HSP90B1: variants seen among roughly 807,000 people sequenced by gnomAD.
The protein encoded by HSP90B1 is endoplasmin.
Under a neutral mutation model 100.4 loss-of-function variants are expected in HSP90B1, and 27 were observed. The observed-to-expected ratio is 0.27, with a 90% CI of 0.20 to 0.37. The LOEUF is 0.37. HSP90B1 is among the 10% of genes least tolerant of loss of function. The probability of loss-of-function intolerance (pLI) is 1.00; values close to 1 mark genes in which losing one functional copy is unlikely to be tolerated. For missense variants in HSP90B1, 678 were observed against 960.5 expected (o/e 0.71, Z 3.89); for synonymous variants, 304 against 330.8 (o/e 0.92, Z 0.88).
At chr12:103,942,403 T>C in intron 11 of HSP90B1, 124 bp from the exon 12 acceptor site, 1 of 843,216 alleles carries the variant, frequency 1.2e-6, no homozygotes. Context: ...CACCATTTCC[T>C]GCCCCTCAAT....
chr12:103,946,640 A>T lies in HSP90B1; in HGVS notation c.2050A>T (p.Thr684Ser). The T allele has an allele frequency of 6.2e-7, 1 of 1,613,898 alleles. No homozygotes were observed. The change falls in exon 15 of 18, where the codon ACA becomes TCA. Residue 684 changes from threonine (T) to serine (S), a missense_variant. Around this residue, in one of 8 missense-constraint regions of HSP90B1, gnomAD observed 64 missense variants for 66.4 expected, o/e 0.96. Coordinates refer to ENST00000299767, the MANE Select transcript of HSP90B1 (RefSeq NM_003299.3). ...STNYYASQKKTFEINPRHPLI... is the reference protein window; with the variant it reads ...STNYYASQKKSFEINPRHPLI... ...CAGTTACTATGCGAGTCAGAAGAAA[A>T]CATTTGAAATTAATCCCAGACACCC... is the stretch of plus-strand genomic sequence containing the variant.
chr12:103,932,462 A>G (rs1178634633), intron 3 of HSP90B1, 44 bp downstream of exon 3: 5 of 1,527,950 alleles, frequency 3.3e-6, no homozygotes, highest in Non-Finnish European at 4.4e-6. Flanking sequence ...GTATGGTGGC[A>G]TACTTGTTTA....
chr12:103,932,196 C>T, intron 2 of HSP90B1, 81 bp from the exon 3 acceptor site: 1 of 1,114,444 alleles, frequency 9.0e-7, no homozygotes, highest in Admixed American at 2.5e-5. Context: ...ATTCAGAGGC[C>T]CCTGTGCTTT....
At position 103,946,631 on chromosome 12, in the gene HSP90B1, C is replaced by A; in HGVS notation, c.2041C>A (p.Gln681Lys). 1.9e-6 allele frequency: 3 copies of A among 1,612,804 alleles called. No individual in the cohort carries two copies. In the South Asian group the frequency reaches 3.3e-5, roughly 18 times the overall value. Residue 681 changes from glutamine (Q) to lysine (K), a missense_variant, in exon 15 of 18, where the codon CAG becomes AAG. Physicochemically the swap from Gln to Lys is moderately conservative, Grantham distance 53. Coordinates refer to ENST00000299767, the MANE Select transcript of HSP90B1 (RefSeq NM_003299.3). Reference protein sequence around the residue: ...KDISTNYYASQKKTFEINPRH... With the variant: ...KDISTNYYASKKKTFEINPRH... ...ATCTCTTAACAGTTACTATGCGAGT[C>A]AGAAGAAAACATTTGAAATTAATCC...
rs775855737 is a variant in HSP90B1 at position 103,943,172 on chromosome 12, C to T, written c.1743C>T (p.Pro581=). Residue 581 remains proline, a synonymous_variant, in exon 13 of 18, where the codon CCC becomes CCT. Coordinates refer to ENST00000299767, the MANE Select transcript of HSP90B1 (RefSeq NM_003299.3). The surrounding 1 kb of genome is among the most constrained non-coding windows in gnomAD (Gnocchi z 5.3). The part of the protein sequence containing the change: ...PVDEYCIQAL[P]EFDGKRFQNV... The stretch of plus-strand genomic sequence containing the variant: ...ATGAATACTGTATTCAGGCCCTTCC[C>T]GAATTTGATGGGAAGAGGTTCCAGA... 4.3e-6 allele frequency: 7 copies of T among 1,613,990 alleles called. No individual in the cohort carries two copies. Among genetic ancestry groups the T allele is most frequent in the African/African-American group, 2.7e-5 (2 of 74,910 alleles).
At chr12:103,932,210 C>G (rs1368686369) in intron 2 of HSP90B1, 67 bp from the exon 3 acceptor site, 8 of 1,355,498 alleles carry the variant, frequency 5.9e-6, no homozygotes, top group Non-Finnish European at 8.1e-6. Context: ...GTGCTTTCAT[C>G]ATAATTCCTC....
At chr12:103,937,005 T>C (rs918604987) in intron 5 of HSP90B1, among the ~76,000 whole-genome samples, 5 of 152,190 alleles carry the variant, frequency 3.3e-5, no homozygotes, top group Non-Finnish European at 2.9e-5. Context: ...GACTACCTAC[T>C]GTGCTTAAGA....
chr12:103,932,742 G>A (rs1262463253), intron 3 of HSP90B1, 84 bp from the exon 4 acceptor site: 4 of 785,242 alleles, frequency 5.1e-6, no homozygotes, highest in South Asian at 4.4e-5. Context: ...GTACAGAGAA[G>A]AAATAAATGG....
intron 8 of HSP90B1, among the ~76,000 whole-genome samples, chr12:103,940,247 A>G (rs1203146669): frequency 6.6e-6 from 1 of 152,120 alleles, no homozygotes; most frequent in Non-Finnish European, 1.5e-5. Context: ...CTTTTAATAT[A>G]ATCTTTAAAG....
rs1165775955 is a variant in HSP90B1, at chr12:103,942,719, A to G, written c.1567A>G (p.Ser523Gly). The G allele has an allele frequency of 1.2e-6, 2 of 1,613,620 alleles. No homozygotes were observed. Among genetic ancestry groups the G allele is most frequent in the African/African-American group, 2.7e-5 (2 of 74,912 alleles). The change falls in exon 12 of 18, where the codon AGC (serine) becomes GGC (glycine). Residue 523 changes from serine to glycine, a missense_variant. Around this residue, in one of 8 missense-constraint regions of HSP90B1, gnomAD observed 170 missense variants for 236.7 expected, o/e 0.72. Transcript: ENST00000299767. ...TTCTCATCATCCAACTGACATTACTAGCCTAGACCAGTATGTGGAAAGAAT... is the reference window on the plus strand; with the variant it reads ...TTCTCATCATCCAACTGACATTACTGGCCTAGACCAGTATGTGGAAAGAAT... ...QSSHHPTDIT[S>G]LDQYVERMKE...
chr12:103,937,659 T>A, intron 5 of HSP90B1, 36 bp from the exon 6 acceptor site: 1 of 986,370 alleles, frequency 1.0e-6, no homozygotes, highest in African/African-American at 1.6e-5. Flanking sequence ...ATCTTCTAAA[T>A]GTTAGGTGTC....
At chr12:103,935,052 A>G (rs1869871991) in intron 5 of HSP90B1, among the ~76,000 whole-genome samples, 1 of 152,162 alleles carries the variant, frequency 6.6e-6, no homozygotes, top group South Asian at 2.1e-4. Context: ...GGATGTGAGG[A>G]GTGGACAAGG....
At chr12:103,931,698 C>T (rs1248162815) in intron 2 of HSP90B1, 75 bp downstream of exon 2, 2 of 1,051,228 alleles carry the variant, frequency 1.9e-6, no homozygotes, top group Admixed American at 3.8e-5. Flanking sequence ...TCTTATGTAT[C>T]TCTTCTCCAA....
rs2307842 is a variant in HSP90B1 at position 103,947,866 on chromosome 12, AACTG to A, written c.*208_*211del. ...TCATGAATGTAAATTTGTACTATTT[AACTG>A]ACTATTCTTGATGTAAAATCTTGTC... is the stretch of plus-strand genomic sequence containing the variant. On this transcript the variant is annotated 3_prime_UTR_variant, in exon 18 of 18. Transcript: ENST00000299767. 79,591 of 596,772 alleles carry A rather than the reference AACTG, an allele frequency of 0.13. 6,086 individuals are homozygous for A. Among genetic ancestry groups the A allele is most frequent in the Admixed American group, 0.21 (6,806 of 32,726 alleles). 37.0% of individuals were successfully genotyped at this position (596,772 alleles called of 1,614,324 possible).
At position 103,931,558 on chromosome 12, in the gene HSP90B1, T is replaced by C; in HGVS notation, c.87T>C (p.Gly29=). 6.2e-7 allele frequency: 1 copy of C among 1,613,634 alleles called. No homozygotes were observed. The highest frequency in any genetic ancestry group is 8.5e-7 in the Non-Finnish European group (1 of 1,179,722). ...CTGACGATGAAGTTGATGTGGATGG[T>C]ACAGTAGAAGAGGATCTGGGTAAAA... is the stretch of plus-strand genomic sequence containing the variant. The part of the protein sequence containing the change: ...VRADDEVDVD[G]TVEEDLGKSR... The change falls in exon 2 of 18, where the codon GGT becomes GGC. Residue 29 remains glycine, a synonymous_variant. Coordinates refer to ENST00000299767, the MANE Select transcript of HSP90B1 (RefSeq NM_003299.3).
intron 4 of HSP90B1, among the ~76,000 whole-genome samples, chr12:103,933,208 C>T (rs1239366617): frequency 6.6e-6 from 1 of 152,246 alleles, no homozygotes; most frequent in East Asian, 1.9e-4. Context: ...TAACAGAGAA[C>T]ATAAATCTCC....
Position 103,941,867 on chromosome 12 carries a change from C to T in HSP90B1, c.1344C>T (p.Arg448=), listed in dbSNP as rs752170920. ...ATGATCTCCCCTTGAATGTTTCCCG[C>T]GAGACTCTTCAGCAACATAAACTGC... ...DSDDLPLNVS[R]ETLQQHKLLK... The change falls in exon 11 of 18, where the codon CGC becomes CGT. Residue 448 remains arginine, a synonymous_variant. Transcript: ENST00000299767. The T allele has an allele frequency of 3.2e-5, 51 of 1,613,662 alleles. No homozygotes were observed. Among genetic ancestry groups the T allele is most frequent in the South Asian group, 8.8e-5 (8 of 91,070 alleles).
Position 103,937,747 on chromosome 12 carries a change from A to C in HSP90B1, c.796A>C (p.Asn266His), listed in dbSNP as rs1869957577. 1 of 1,599,056 alleles carries C rather than the reference A, an allele frequency of 6.3e-7. No homozygotes were observed. The highest frequency in any genetic ancestry group is 1.3e-5 in the African/African-American group (1 of 74,612). Residue 266 changes from asparagine to histidine, a missense_variant, in exon 6 of 18, where the codon AAT becomes CAT. By Grantham distance (68) the Asn-to-His change is moderately conservative (BLOSUM62 1). This residue lies in a region of HSP90B1 where 238 missense variants were observed against 346.7 expected (regional missense o/e 0.69). Transcript: ENST00000299767. ...TTACCTTGAATTGGATACAATTAAA[A>C]ATCTCGTCAAAAAATATTCACAGTT... ...SDYLELDTIK[N>H]LVKKYSQFIN...
rs1040773483 is a variant in HSP90B1 at position 103,930,753 on chromosome 12, G to A, written c.49+189G>A. Reference sequence around the variant, plus strand: ...CTTCCTCTGGAAATAAAAAAAGAGAGCAACATCATCTAACTGCCCTACAGA... The same window carrying A: ...CTTCCTCTGGAAATAAAAAAAGAGAACAACATCATCTAACTGCCCTACAGA... On this transcript the variant is annotated intron_variant, in intron 1 of 17. Coordinates refer to ENST00000299767, the MANE Select transcript of HSP90B1 (RefSeq NM_003299.3). The surrounding 1 kb of genome is among the most constrained non-coding windows in gnomAD (Gnocchi z 4.4). 6.7e-6 allele frequency among the ~76,000 whole-genome samples: 1 copy of A among 150,256 alleles called. No individual in the cohort carries two copies. Among genetic ancestry groups the A allele is most frequent in the South Asian group, 2.1e-4 (1 of 4,714 alleles).
Sources: allele counts gnomAD v4.1 joint callset (sites outside exome capture counted in the v4.1 genomes callset), GRCh38; gene constraint gnomAD v4.1.1; regional missense constraint gnomAD v4.1.1; non-coding constraint Gnocchi (gnomAD v3.1); transcripts MANE v1.5; gene names NCBI Gene and HGNC (gene_info 2026-07-23, HGNC 2026-07-21).